The following TASP1 variants were observed in gnomAD, a reference collection of about 807,000 sequenced individuals.
TASP1 encodes threonine aspartase 1.
A neutral mutation model predicts 56.6 loss-of-function variants in TASP1; 16 were observed. The ratio of observed to expected loss-of-function variants is 0.28; its 90% CI spans 0.19 to 0.43. The LOEUF is 0.43. Ranked by LOEUF, TASP1 falls within the 20% of genes least tolerant of loss-of-function variation. The probability of loss-of-function intolerance (pLI) is 1.00; values close to 1 mark genes in which losing one functional copy is unlikely to be tolerated. For missense variants in TASP1, 393 were observed against 511.6 expected, an observed-to-expected ratio of 0.77 and a Z score of 2.24; for synonymous variants, 179 against 184.2, an observed-to-expected ratio of 0.97 and a Z score of 0.23.
At chr20:13,369,822 A>G in the TASP1 span, among the ~76,000 whole-genome samples, 1 of 152,260 alleles carries the variant, frequency 6.6e-6, no homozygotes, top group East Asian at 1.9e-4. Context: ...AAATGCTTCT[A>G]TAATAAAAGC....
At chr20:13,216,996 G>A in the TASP1 span, among the ~76,000 whole-genome samples, 1 of 152,176 alleles carries the variant, frequency 6.6e-6, no homozygotes. Context: ...GAAGAAACAG[G>A]TTTTGGGGAA....
At chr20:13,473,392 C>T (rs1307243719) in intron 11 of TASP1, among the ~76,000 whole-genome samples, 2 of 152,138 alleles carry the variant, frequency 1.3e-5, no homozygotes, top group African/African-American at 4.8e-5. Context: ...ATGTAAATGA[C>T]GAGTTAATGG....
chr20:13,144,258 A>G, the TASP1 span, among the ~76,000 whole-genome samples: 1 of 152,130 alleles, frequency 6.6e-6, no homozygotes, highest in African/African-American at 2.4e-5. Flanking sequence ...TTGATTTTCT[A>G]TCTTGTTGTG....
the TASP1 span, among the ~76,000 whole-genome samples, chr20:13,120,951 C>T: frequency 1.3e-5 from 2 of 152,222 alleles, no homozygotes; most frequent in African/African-American, 2.4e-5. Flanking sequence ...CTTTCAAGAC[C>T]TTCCTGATGA....
the TASP1 span, among the ~76,000 whole-genome samples, chr20:13,104,993 T>C: frequency 6.6e-6 from 1 of 152,166 alleles, no homozygotes; most frequent in Non-Finnish European, 1.5e-5. Context: ...AGTGCCTTAA[T>C]AAGCATCATT....
At chr20:13,239,852 A>C in the TASP1 span, among the ~76,000 whole-genome samples, 1 of 152,166 alleles carries the variant, frequency 6.6e-6, no homozygotes, top group Non-Finnish European at 1.5e-5. Context: ...CCAGTACCAG[A>C]CTCCAAAGCA....
the TASP1 span, among the ~76,000 whole-genome samples, chr20:13,174,491 A>G: frequency 6.6e-6 from 1 of 152,140 alleles, no homozygotes; most frequent in Non-Finnish European, 1.5e-5. Flanking sequence ...TGAGCCCAGG[A>G]GTTCAAGACC....
the TASP1 span, among the ~76,000 whole-genome samples, chr20:13,294,871 G>C: frequency 6.6e-6 from 1 of 152,146 alleles, no homozygotes. Context: ...CTGAAGCACA[G>C]CAAGGTAAAA....
the TASP1 span, among the ~76,000 whole-genome samples, chr20:13,129,101 G>A: frequency 0.018 from 2,794 of 151,880 alleles, 53 homozygotes; most frequent in South Asian, 0.03. Context: ...TCCTGACCTC[G>A]GGTGATCTGC....
chr20:13,370,914 G>T, the TASP1 span, among the ~76,000 whole-genome samples: 1 of 152,050 alleles, frequency 6.6e-6, no homozygotes, highest in Non-Finnish European at 1.5e-5. Flanking sequence ...TTTTCTGTAA[G>T]AATTTGTCAA....
chr20:13,365,180 T>C, the TASP1 span, among the ~76,000 whole-genome samples: 1 of 152,224 alleles, frequency 6.6e-6, no homozygotes, highest in African/African-American at 2.4e-5. Flanking sequence ...AGTTTCTTAT[T>C]TTCTTAACTT....
At chr20:13,138,543 A>G in the TASP1 span, among the ~76,000 whole-genome samples, 3 of 152,208 alleles carry the variant, frequency 2.0e-5, no homozygotes, top group African/African-American at 7.2e-5. Flanking sequence ...TTAAGCATCA[A>G]ATACGTGAGT....
chr20:13,566,661 T>A (rs996766147), intron 7 of TASP1, among the ~76,000 whole-genome samples: 4 of 152,092 alleles, frequency 2.6e-5, no homozygotes, highest in Non-Finnish European at 4.4e-5. Context: ...TTAGTGGCTA[T>A]CGGGGTTAAG....
chr20:13,343,389 GAC>G, the TASP1 span, among the ~76,000 whole-genome samples: 8 of 152,244 alleles, frequency 5.3e-5, no homozygotes, highest in African/African-American at 1.7e-4. Flanking sequence ...TGGCTCTAGA[GAC>G]AATGCTGAGT....
chr20:13,519,982 A>G (rs1314227528), intron 10 of TASP1, among the ~76,000 whole-genome samples: 1 of 152,116 alleles, frequency 6.6e-6, no homozygotes, highest in East Asian at 1.9e-4. Context: ...CCAATAACAG[A>G]CAAACAGAGA....
the TASP1 span, among the ~76,000 whole-genome samples, chr20:13,205,826 C>A: frequency 2.0e-5 from 3 of 152,200 alleles, no homozygotes; most frequent in African/African-American, 7.2e-5. Context: ...ACTGAGAGTG[C>A]CAATGAGCAG....
chr20:13,348,467 G>A, the TASP1 span, among the ~76,000 whole-genome samples: 1 of 152,180 alleles, frequency 6.6e-6, no homozygotes, highest in African/African-American at 2.4e-5. Flanking sequence ...AAGAGAGATT[G>A]GATTTGATAG....
At chr20:13,520,934 A>T (rs557292068) in intron 10 of TASP1, among the ~76,000 whole-genome samples, 15 of 152,326 alleles carry the variant, frequency 9.8e-5, no homozygotes, top group African/African-American at 3.6e-4. Flanking sequence ...CAAGAAAAAA[A>T]CAAACAACCC....
intron 13 of TASP1, among the ~76,000 whole-genome samples, chr20:13,405,247 G>A (rs2041873749): frequency 6.6e-6 from 1 of 152,176 alleles, no homozygotes; most frequent in Non-Finnish European, 1.5e-5. Flanking sequence ...TGAAGGCCAA[G>A]AGTAAATAGG....
Sources: gnomAD v4.1 joint callset for allele counts (sites outside exome capture counted in the v4.1 genomes callset) on GRCh38, gnomAD v4.1.1 for gene constraint, MANE v1.5 for transcripts, NCBI Gene and HGNC (gene_info 2026-07-23, HGNC 2026-07-21) for gene names.